SPRY3: variants seen among roughly 807,000 people sequenced by gnomAD.
SPRY3 encodes sprouty RTK signaling antagonist 3.
Under a neutral mutation model 20.2 loss-of-function variants are expected in SPRY3, and 15 were observed. The ratio of observed to expected loss-of-function variants is 0.74; its 90% confidence interval spans 0.50 to 1.14. The LOEUF (loss-of-function observed/expected upper bound fraction) is 1.14, where lower values mean the gene tolerates loss of function less well. SPRY3 is among the 50% of genes most tolerant of loss of function. The pLI is 0.00. For synonymous variants in SPRY3, 143 were observed against 136.5 expected, an observed-to-expected ratio of 1.05 and a Z score of -0.33; for missense variants, 364 against 363.9, an observed-to-expected ratio of 1.00 and a Z score of 0.00.
chrX:155,768,512 GC>G (rs76672724), intron 3 of SPRY3, among the ~76,000 whole-genome samples: 3,713 of 152,238 alleles, frequency 0.024, 128 homozygotes, highest in East Asian at 0.12. Context: ...CCGTGCTAAG[GC>G]CAGTCTGGCT....
At chrX:155,770,628 T>TTC (rs371698358) in intron 3 of SPRY3, among the ~76,000 whole-genome samples, 51,650 of 146,232 alleles carry the variant, frequency 0.35, 10,137 homozygotes, top group East Asian at 0.66. Context: ...GATGTGTACA[T>TTC]TCTCTCTCTC....
At chrX:155,699,773 A>G (rs906883541) in intron 2 of SPRY3, among the ~76,000 whole-genome samples, 2 of 110,519 alleles carry the variant, frequency 1.8e-5, no homozygotes, top group African/African-American at 6.6e-5. Context: ...AGGAAAACCT[A>G]TCAGATCATA....
At chrX:155,778,264 C>G (rs1865487829), downstream of SPRY3, 1 of 167,080 alleles carries the variant, frequency 6.0e-6, no homozygotes, top group Non-Finnish European at 1.5e-5. Context: ...TTCCCTAACT[C>G]TGGTCCACCT....
At chrX:155,710,598 C>A (rs1379518481) in intron 2 of SPRY3, among the ~76,000 whole-genome samples, 2 of 151,636 alleles carry the variant, frequency 1.3e-5, no homozygotes, top group African/African-American at 4.8e-5. Context: ...AAGATCATAT[C>A]ATCTGCAAAC....
At chrX:155,616,131 CTCTCTCTCTCTCTCTCTCT>C (rs1557348864) in intron 1 of SPRY3, among the ~76,000 whole-genome samples, 2 of 19,778 alleles carry the variant, frequency 1.0e-4, no homozygotes, top group Non-Finnish European at 3.3e-4. Context: ...TCTCTCTCTC[CTCTCTCTCTCTCTCTCTCT>C]TCTCTCTCTC....
At chrX:155,771,108 G>A (rs1263353811) in intron 3 of SPRY3, among the ~76,000 whole-genome samples, 1 of 152,118 alleles carries the variant, frequency 6.6e-6, no homozygotes, top group Admixed American at 6.5e-5. Flanking sequence ...CATTATTTCA[G>A]ACTGAAATAA....
At chrX:155,697,615 T>G (rs1378644075) in intron 2 of SPRY3, among the ~76,000 whole-genome samples, 2 of 108,345 alleles carry the variant, frequency 1.8e-5, no homozygotes, top group African/African-American at 6.8e-5. Context: ...TAGTGCCTGG[T>G]TGTGCATTGT....
At chrX:155,663,460 G>T (rs1304574534) in intron 2 of SPRY3, among the ~76,000 whole-genome samples, 1 of 111,322 alleles carries the variant, frequency 9.0e-6, no homozygotes, top group African/African-American at 3.3e-5. Context: ...GGGAGTAAAA[G>T]GATATAGGTT....
At chrX:155,685,531 C>T (rs1458763233) in intron 2 of SPRY3, among the ~76,000 whole-genome samples, 1 of 88,560 alleles carries the variant, frequency 1.1e-5, no homozygotes, top group East Asian at 3.8e-4. Context: ...GCCTAGTACC[C>T]ATGAGTTATT....
downstream of SPRY3, chrX:155,777,813 A>C (rs1373494759): frequency 1.2e-5 from 2 of 166,018 alleles, no homozygotes; most frequent in African/African-American, 4.9e-5. Flanking sequence ...ATTTTTTTGC[A>C]GTTAAATCAT....
intron 2 of SPRY3, among the ~76,000 whole-genome samples, chrX:155,707,252 G>T (rs1457632552): frequency 6.6e-6 from 1 of 151,088 alleles, no homozygotes; most frequent in Non-Finnish European, 1.5e-5. Context: ...TTTATGGATC[G>T]TTTGGAAGTG....
At chrX:155,684,026 G>T (rs2068080976) in intron 2 of SPRY3, among the ~76,000 whole-genome samples, 1 of 110,101 alleles carries the variant, frequency 9.1e-6, no homozygotes, top group Non-Finnish European at 1.9e-5. Flanking sequence ...AGGTGGCCAG[G>T]GGTGGTGACA....
chrX:155,629,120 T>A (rs1436676240), intron 1 of SPRY3, among the ~76,000 whole-genome samples: 1 of 108,577 alleles, frequency 9.2e-6, no homozygotes, highest in Non-Finnish European at 1.9e-5. Context: ...ACTCGTCATT[T>A]ACATTAGGTA....
chrX:155,663,140 A>C (rs965693418), intron 2 of SPRY3, among the ~76,000 whole-genome samples: 2 of 112,405 alleles, frequency 1.8e-5, no homozygotes, highest in Non-Finnish European at 3.8e-5. Context: ...AAGCAACAGC[A>C]TACCAAAGAT....
chrX:155,621,107 T>A (rs1211053548), intron 1 of SPRY3, among the ~76,000 whole-genome samples: 1 of 112,033 alleles, frequency 8.9e-6, no homozygotes, highest in Non-Finnish European at 1.9e-5. Flanking sequence ...TTACCAACTA[T>A]TATTGTTCAC....
chrX:155,774,933 A>C, exon 4 of SPRY3: 9 of 632,142 alleles, frequency 1.4e-5, no homozygotes, highest in Admixed American at 3.1e-5. Flanking sequence ...TATCTATCCC[A>C]CTCCTCTTCA....
rs187895178 is a variant in SPRY3, at chrX:155,648,534, A to C, written c.-440-8333A>C. Among the ~76,000 whole-genome samples the C allele has an allele frequency of 2.3e-3, 263 of 112,480 alleles. 6 individuals are homozygous for C. In the East Asian group the frequency reaches 0.064, roughly 27 times the overall value. On this transcript the variant is annotated intron_variant, in intron 1 of 3. Transcript: ENST00000675360. ...CTGCATATGGCTAGCCAGTTTTCCC[A>C]ACACCATTTATTAAATAGGGAATCC... is the stretch of plus-strand genomic sequence containing the variant.
chrX:155,719,109 G>A (rs1464268688), intron 2 of SPRY3, among the ~76,000 whole-genome samples: 3 of 152,170 alleles, frequency 2.0e-5, no homozygotes, highest in African/African-American at 4.8e-5. Flanking sequence ...ATGTGCCCTG[G>A]CAGCTATTAA....
At chrX:155,696,929 A>T (rs2068120661) in intron 2 of SPRY3, among the ~76,000 whole-genome samples, 1 of 111,937 alleles carries the variant, frequency 8.9e-6, no homozygotes, top group Non-Finnish European at 1.9e-5. Flanking sequence ...GTATATCTTA[A>T]GAATCAGGAT....
Sources: allele counts gnomAD v4.1 joint callset (sites outside exome capture counted in the v4.1 genomes callset), GRCh38; gene constraint gnomAD v4.1.1; transcripts MANE v1.5; gene names NCBI Gene and HGNC (gene_info 2026-07-23, HGNC 2026-07-21).